SGO2: variants seen among roughly 807,000 people sequenced by gnomAD.
The protein encoded by SGO2 is shugoshin-like 2.
SGO2 carries 68 observed loss-of-function variants against 99.5 expected under a neutral mutation model. That is an observed-to-expected ratio of 0.68 (90% CI 0.56 to 0.84). The LOEUF is 0.84. SGO2 is among the 40% of genes least tolerant of loss of function. The pLI, the probability that SGO2 is intolerant of heterozygous loss-of-function variation, is 0.00. For missense variants in SGO2, 1,350 were observed against 1,436.7 expected (o/e 0.94, Z 0.97); for synonymous variants, 457 against 487.1 (o/e 0.94, Z 0.81).
chr2:200,536,515 A>G (rs1176650128), intron 4 of SGO2, among the ~76,000 whole-genome samples: 4 of 152,084 alleles, frequency 2.6e-5, no homozygotes, highest in Admixed American at 2.6e-4. Flanking sequence ...ACTGGGGAAA[A>G]AAATAGAGGC....
rs747481388 is a variant in SGO2 at position 200,577,035 on chromosome 2, G to GT, written c.3782+1587dup. Among the ~76,000 whole-genome samples the GT allele has an allele frequency of 2.3e-3, 331 of 141,346 alleles. 1 individual carries two copies. The highest frequency in any genetic ancestry group is 0.011 in the Middle Eastern group (3 of 272). 92.7% of individuals were successfully genotyped at this position (141,346 alleles called of 152,430 possible). A position where few individuals can be genotyped will look rare whatever the true frequency, so the allele number is the denominator to read the frequency against. Reference sequence around the variant, plus strand: ...TGCAAGGTTTTGTGTGTAAAGTATTGTTTTTTTTTTTTTCTTGGATATATC... The same window carrying GT: ...TGCAAGGTTTTGTGTGTAAAGTATTGTTTTTTTTTTTTTTCTTGGATATATC... On this transcript the variant is annotated intron_variant, in intron 8 of 8. Transcript: ENST00000357799.
chr2:200,560,979 A>C (rs1490549387), intron 5 of SGO2, among the ~76,000 whole-genome samples: 1 of 152,216 alleles, frequency 6.6e-6, no homozygotes, highest in African/African-American at 2.4e-5. Context: ...TTTCAAGAAA[A>C]TCACACATCT....
intron 8 of SGO2, among the ~76,000 whole-genome samples, chr2:200,577,353 T>G (rs1461302416): frequency 6.6e-6 from 1 of 152,184 alleles, no homozygotes; most frequent in Non-Finnish European, 1.5e-5. Context: ...GTTGAGATCC[T>G]TTGCCCATTT....
At chr2:200,545,340 C>A (rs1298718768) in intron 5 of SGO2, among the ~76,000 whole-genome samples, 1 of 152,054 alleles carries the variant, frequency 6.6e-6, no homozygotes, top group East Asian at 1.9e-4. Flanking sequence ...TGTGGCTTGC[C>A]CCTTTGCTCT....
chr2:200,569,815 T>G lies in SGO2; in HGVS notation c.626T>G (p.Leu209Arg). ...CAGGATAATTCGGAAGTGTTATTTC[T>G]TAAAGAAAATAATCAAAATGTATAT... is the stretch of plus-strand genomic sequence containing the variant. ...STQDNSEVLF[L>R]KENNQNVYGL... Residue 209 changes from leucine (L) to arginine (R), a missense_variant, in exon 6 of 9, where the codon CTT becomes CGT. Transcript: ENST00000357799. The G allele has an allele frequency of 6.2e-7, 1 of 1,609,062 alleles. No individual in the cohort carries two copies. Among genetic ancestry groups the G allele is most frequent in the Non-Finnish European group, 8.5e-7 (1 of 1,175,630 alleles).
chr2:200,528,360 A>C (rs1381926431), intron 1 of SGO2, among the ~76,000 whole-genome samples: 1 of 152,200 alleles, frequency 6.6e-6, no homozygotes, highest in East Asian at 1.9e-4. Context: ...TGGCAACTTG[A>C]ATCAAAGTGG....
intron 8 of SGO2, 59 bp from the exon 9 acceptor site, chr2:200,583,390 T>G: frequency 6.8e-6 from 10 of 1,479,416 alleles, no homozygotes; most frequent in Non-Finnish European, 9.2e-6. Context: ...TCTCCATGCT[T>G]CACAGCAAAA....
At position 200,526,346 on chromosome 2, in the gene SGO2, C is replaced by T. The variant is rs922970227; in HGVS notation, c.-3+94C>T. The T allele has an allele frequency of 2.0e-5, 3 of 152,312 alleles. No homozygotes were observed. The highest frequency in any genetic ancestry group is 2.0e-4 in the Admixed American group (3 of 15,292). 9.4% of individuals were successfully genotyped at this position (152,312 alleles called of 1,614,324 possible). A position where few individuals can be genotyped will look rare whatever the true frequency, so the allele number is the denominator to read the frequency against. On this transcript the variant is annotated intron_variant, in intron 1 of 8. Transcript: ENST00000357799. This position sits in a 1 kb window ranked among gnomAD's most constrained non-coding sequence, Gnocchi z 4.8. ...TCGGTTCTCTAGGCGCTGTCCGCCTCGGTCTCCGGCTCGTCTTCCGCCCTC... is the reference window on the plus strand; with the variant it reads ...TCGGTTCTCTAGGCGCTGTCCGCCTTGGTCTCCGGCTCGTCTTCCGCCCTC...
intron 4 of SGO2, among the ~76,000 whole-genome samples, chr2:200,540,141 T>C (rs971482770): frequency 1.3e-5 from 2 of 152,222 alleles, no homozygotes; most frequent in Non-Finnish European, 2.9e-5. Flanking sequence ...TGTTGAAGCA[T>C]TTTTATGATA....
At chr2:200,554,273 G>A (rs572210794) in intron 5 of SGO2, among the ~76,000 whole-genome samples, 5 of 152,082 alleles carry the variant, frequency 3.3e-5, no homozygotes, top group African/African-American at 1.2e-4. Flanking sequence ...GATCATCAAC[G>A]TTTCAAGCAA....
At chr2:200,558,896 G>A (rs1308109311) in intron 5 of SGO2, among the ~76,000 whole-genome samples, 3 of 151,508 alleles carry the variant, frequency 2.0e-5, no homozygotes, top group African/African-American at 4.9e-5. Flanking sequence ...TCTGCCTTCC[G>A]GGTTCAAGTG....
At chr2:200,578,248 C>G (rs1364712258) in intron 8 of SGO2, among the ~76,000 whole-genome samples, 1 of 148,804 alleles carries the variant, frequency 6.7e-6, no homozygotes, top group Non-Finnish European at 1.5e-5. Flanking sequence ...TATCTTGTTG[C>G]TCAAGTTATT....
At position 200,570,091 on chromosome 2, in the gene SGO2, G is replaced by A; in HGVS notation, c.703+199G>A. 2.1e-6 allele frequency: 1 copy of A among 477,904 alleles called. No homozygotes were observed. The highest frequency in any genetic ancestry group is 3.7e-6 in the Non-Finnish European group (1 of 272,934). The allele number at this position is 477,904 out of a possible 1,614,324, so 29.6% of individuals were successfully genotyped here. A position where few individuals can be genotyped will look rare whatever the true frequency, so the allele number is the denominator to read the frequency against. On this transcript the variant is annotated intron_variant, in intron 6 of 8. Coordinates refer to ENST00000357799, the MANE Select transcript of SGO2 (RefSeq NM_152524.6). The surrounding 1 kb of genome is among the most constrained non-coding windows in gnomAD (Gnocchi z 4.4). ...GCTGACAAACATCACACCCACAGTG[G>A]CCTAATACTGTTACTCTGGAAGAAA... is the stretch of plus-strand genomic sequence containing the variant.
intron 5 of SGO2, among the ~76,000 whole-genome samples, chr2:200,551,232 G>A (rs768253012): frequency 2.6e-5 from 4 of 152,048 alleles, no homozygotes; most frequent in Non-Finnish European, 4.4e-5. Context: ...ATCAACCTAA[G>A]CACCCATCAA....
chr2:200,575,409 AGCAG>A lies in SGO2; in HGVS notation c.3731_3734del (p.Ser1244LysfsTer19), dbSNP rs2033619881. The A allele has an allele frequency of 1.2e-6, 2 of 1,604,708 alleles. No homozygotes were observed. The highest frequency in any genetic ancestry group is 2.2e-5 in the South Asian group (2 of 89,714). On this transcript the variant is annotated frameshift_variant, in exon 8 of 9. Transcript: ENST00000357799. LOFTEE classifies it high-confidence loss of function. ...AGAAGATCTATCTTCAGAACGGACA[AGCAG>A]AAGAAGAAGGTGTACTCCTTTCTAT...
At chr2:200,568,270 T>G (rs2033266480) in intron 5 of SGO2, among the ~76,000 whole-genome samples, 2 of 152,220 alleles carry the variant, frequency 1.3e-5, no homozygotes, top group African/African-American at 4.8e-5. Context: ...GATCATTCTC[T>G]TTTGATTATC....
In SGO2 at chr2:200,535,224, T is replaced by C. The variant is rs2031635144; in HGVS notation, c.309+53T>C. The C allele has an allele frequency of 2.1e-5, 29 of 1,357,426 alleles. 1 individual carries two copies. The East Asian group carries it at 7.7e-4, about 36-fold the overall frequency. The allele number at this position is 1,357,426 out of a possible 1,614,324, so 84.1% of individuals were successfully genotyped here. On this transcript the variant is annotated intron_variant, in intron 3 of 8. Coordinates refer to ENST00000357799, the MANE Select transcript of SGO2 (RefSeq NM_152524.6). ...CTAATTATAACTTAAATCTTTTAGC[T>C]GCATTATTATAGAAGCTTTAAAAAT...
In SGO2 at chr2:200,573,448, A is replaced by C. The variant is rs1437214728; in HGVS notation, c.3102A>C (p.Pro1034=). 1.9e-6 allele frequency: 3 copies of C among 1,610,438 alleles called. No individual in the cohort carries two copies. In the African/African-American group the frequency reaches 4.0e-5, roughly 22 times the overall value. ...KHITSEADSD[P]GNPVELCKTQ... Reference sequence around the variant, plus strand: ...TTACTAGTGAAGCAGATTCTGATCCAGGAAACCCAGTTGAACTATGTAAGA... The same window carrying C: ...TTACTAGTGAAGCAGATTCTGATCCCGGAAACCCAGTTGAACTATGTAAGA... Residue 1034 remains proline, a synonymous_variant, in exon 7 of 9, where the codon CCA becomes CCC. Transcript: ENST00000357799.
At chr2:200,533,369 G>GA (rs2031515573) in intron 2 of SGO2, 1 of 260,576 alleles carries the variant, frequency 3.8e-6, no homozygotes, top group East Asian at 1.0e-4. Flanking sequence ...CTACAGCGCA[G>GA]AAAAAAACTA....
Sources: gnomAD v4.1 joint callset for allele counts (sites outside exome capture counted in the v4.1 genomes callset) on GRCh38, gnomAD v4.1.1 for gene constraint, Gnocchi (gnomAD v3.1) non-coding constraint, MANE v1.5 for transcripts, NCBI Gene and HGNC (gene_info 2026-07-23, HGNC 2026-07-21) for gene names.